The following TDRD9 variants were observed in gnomAD, a reference collection of about 807,000 sequenced individuals.
TDRD9 encodes ATP-dependent RNA helicase TDRD9.
TDRD9 carries 124 observed loss-of-function variants against 172.6 expected under a neutral mutation model. The ratio of observed to expected loss-of-function variants is 0.72; its 90% CI spans 0.62 to 0.83. The LOEUF is 0.83. TDRD9 is among the 40% of genes least tolerant of loss of function. The pLI is 0.00. For synonymous variants in TDRD9, 619 were observed against 617.1 expected, an observed-to-expected ratio of 1.00 and a Z score of -0.05; for missense variants, 1,479 against 1,714.1, an observed-to-expected ratio of 0.86 and a Z score of 2.42.
chr14:103,978,165 T>C (rs1427444750), intron 7 of TDRD9, among the ~76,000 whole-genome samples: 1 of 152,212 alleles, frequency 6.6e-6, no homozygotes. Context: ...TCTTTTTTGG[T>C]TCCATATGAA....
At chr14:104,031,015 G>A (rs911911605) in intron 28 of TDRD9, 93 bp from the exon 29 acceptor site, 2 of 1,145,888 alleles carry the variant, frequency 1.7e-6, no homozygotes, top group Non-Finnish European at 2.5e-6. Flanking sequence ...AGAAATCAGA[G>A]TAACACTGTG....
intron 1 of TDRD9, among the ~76,000 whole-genome samples, chr14:103,939,436 G>C (rs1267708985): frequency 6.6e-6 from 1 of 152,152 alleles, no homozygotes; most frequent in East Asian, 1.9e-4. Context: ...CCCACACACA[G>C]TTTCCACTCT....
At chr14:103,962,215 A>G (rs541549115) in intron 2 of TDRD9, among the ~76,000 whole-genome samples, 4 of 152,294 alleles carry the variant, frequency 2.6e-5, no homozygotes, top group Non-Finnish European at 5.9e-5. Context: ...TATTTCATAA[A>G]TTGTTTGATT....
Position 103,998,630 on chromosome 14 carries a change from A to G in TDRD9, c.1385A>G (p.Asp462Gly). The change falls in exon 13 of 36, where the codon GAT becomes GGT. Residue 462 changes from aspartate (D) to glycine (G), a missense_variant. Transcript: ENST00000409874. ...CCTTTTTTTTAAATGGCAGTTATAG[A>G]TTTTTGTTTGACTAGAACTTTGGTC... is the stretch of plus-strand genomic sequence containing the variant. ...VTVPDVKYVI[D>G]FCLTRTLVCD... is the part of the protein sequence containing the mutation. The G allele has an allele frequency of 6.3e-7, 1 of 1,588,520 alleles. No homozygotes were observed. The highest frequency in any genetic ancestry group is 1.1e-5 in the South Asian group (1 of 90,066).
In TDRD9 at chr14:104,052,037, C is replaced by A; in HGVS notation, c.4104C>A (p.Asn1368Lys). The change falls in exon 36 of 36, where the codon AAC (asparagine) becomes AAA (lysine). Residue 1368 changes from asparagine to lysine, a missense_variant. Asn to Lys is a moderately conservative substitution (Grantham distance 94). This residue lies in a region of TDRD9 where 1,413 missense variants were observed against 1,649.1 expected (regional missense o/e 0.86). Transcript: ENST00000409874. ...ACCGTGAGAGCAGCAGAGGGAAGAA[C>A]ACCTTTCTCTACCAGCTCCACAAAC... ...QADRESSRGK[N>K]TFLYQLHKLV... The A allele has an allele frequency of 1.3e-6, 2 of 1,593,802 alleles. No homozygotes were observed. Among genetic ancestry groups the A allele is most frequent in the Non-Finnish European group, 1.7e-6 (2 of 1,169,842 alleles).
chr14:104,034,183 CTTTTTTTTTCT>C lies in TDRD9; in HGVS notation c.3619+124_3619+134del, dbSNP rs2035374341. On this transcript the variant is annotated intron_variant, in intron 31 of 35. Coordinates refer to ENST00000409874, the MANE Select transcript of TDRD9 (RefSeq NM_153046.3). ...GAACAAGTCTACACTATGTACTATTCTTTTTTTTTCTTTTTTTTTTTTTTTGAGACAGAGTC... is the reference window on the plus strand; with the variant it reads ...GAACAAGTCTACACTATGTACTATTCTTTTTTTTTTTTTTGAGACAGAGTC... 35 of 217,982 alleles carry C rather than the reference CTTTTTTTTTCT, an allele frequency of 1.6e-4. 1 individual carries two copies. The highest frequency in any genetic ancestry group is 3.6e-3 in the Middle Eastern group (2 of 562). The allele number at this position is 217,982 out of a possible 1,614,324, so 13.5% of individuals were successfully genotyped here. A position where few individuals can be genotyped will look rare whatever the true frequency, so the allele number is the denominator to read the frequency against.
rs150899777 is a variant in TDRD9, at chr14:103,943,443, A to G, written c.216-12221A>G. On this transcript the variant is annotated intron_variant, in intron 1 of 35. Coordinates refer to ENST00000409874, the MANE Select transcript of TDRD9 (RefSeq NM_153046.3). ...CATAAGTATATATACGCATATGTATATGTATTATATATGTATATATAAATA... is the reference window on the plus strand; with the variant it reads ...CATAAGTATATATACGCATATGTATGTGTATTATATATGTATATATAAATA... 2.7e-3 allele frequency among the ~76,000 whole-genome samples: 403 copies of G among 150,484 alleles called. 8 individuals carry two copies. The highest frequency in any genetic ancestry group is 7.0e-4 in the African/African-American group (29 of 41,196).
chr14:103,943,485 A>C (rs2031379714), intron 1 of TDRD9, among the ~76,000 whole-genome samples: 2 of 150,576 alleles, frequency 1.3e-5, no homozygotes, highest in African/African-American at 4.9e-5. Context: ...CATATATAAT[A>C]CACACATATA....
intron 23 of TDRD9, among the ~76,000 whole-genome samples, chr14:104,020,615 C>A (rs893560693): frequency 6.6e-6 from 1 of 152,064 alleles, no homozygotes; most frequent in Non-Finnish European, 1.5e-5. Context: ...GAGGATGGGG[C>A]GTGAAGGAGA....
intron 7 of TDRD9, 71 bp downstream of exon 7, chr14:103,975,624 C>A: frequency 1.4e-6 from 2 of 1,431,954 alleles, no homozygotes; most frequent in South Asian, 1.4e-5. Context: ...CATTCATCAC[C>A]TATGATTGTA....
At position 103,998,816 on chromosome 14, in the gene TDRD9, G is replaced by T. The variant is rs570697972; in HGVS notation, c.1483+88G>T. On this transcript the variant is annotated intron_variant, in intron 13 of 35. Coordinates refer to ENST00000409874, the MANE Select transcript of TDRD9 (RefSeq NM_153046.3). ...CTTTTTTTTTTTTTTTCTCTGAGACGGAGTCTTGCTCTGTCGCCCAGGCTG... is the reference window on the plus strand; with the variant it reads ...CTTTTTTTTTTTTTTTCTCTGAGACTGAGTCTTGCTCTGTCGCCCAGGCTG... The T allele has an allele frequency of 4.5e-5, 32 of 704,022 alleles. No individual in the cohort carries two copies. In the East Asian group the frequency reaches 8.3e-4, roughly 18 times the overall value. 43.6% of individuals were successfully genotyped at this position (704,022 alleles called of 1,614,324 possible). A position where few individuals can be genotyped will look rare whatever the true frequency, so the allele number is the denominator to read the frequency against.
intron 34 of TDRD9, among the ~76,000 whole-genome samples, chr14:104,048,807 T>TC (rs1432561885): frequency 6.6e-6 from 1 of 152,200 alleles, no homozygotes; most frequent in Non-Finnish European, 1.5e-5. Context: ...CTATGGGCTT[T>TC]CCCCATCTGT....
At chr14:103,937,920 T>C (rs2030881757) in intron 1 of TDRD9, among the ~76,000 whole-genome samples, 1 of 151,964 alleles carries the variant, frequency 6.6e-6, no homozygotes, top group Non-Finnish European at 1.5e-5. Context: ...TGATTTTAAG[T>C]TGCCTGTGAG....
At chr14:103,995,715 T>G in intron 11 of TDRD9, 35 bp from the exon 12 acceptor site, 1 of 1,558,636 alleles carries the variant, frequency 6.4e-7, no homozygotes, top group Non-Finnish European at 8.7e-7. Flanking sequence ...CGGAATATAG[T>G]AGGAATGTCA....
rs1343254423 is a variant in TDRD9 at position 103,938,222 on chromosome 14, C to G, written c.215+9498C>G. Among the ~76,000 whole-genome samples, 3 of 151,594 alleles carry G rather than the reference C, an allele frequency of 2.0e-5. No individual in the cohort carries two copies. In the East Asian group the frequency reaches 5.8e-4, roughly 29 times the overall value. ...CTGGCTAGTAATGCTACCTCGAGAGCCTATTATATGTCGGGGATTGTGCAG... is the reference window on the plus strand; with the variant it reads ...CTGGCTAGTAATGCTACCTCGAGAGGCTATTATATGTCGGGGATTGTGCAG... On this transcript the variant is annotated intron_variant, in intron 1 of 35. Coordinates refer to ENST00000409874, the MANE Select transcript of TDRD9 (RefSeq NM_153046.3).
intron 1 of TDRD9, among the ~76,000 whole-genome samples, chr14:103,943,498 C>A (rs1373540083): frequency 6.7e-6 from 1 of 149,204 alleles, no homozygotes; most frequent in Non-Finnish European, 1.5e-5. Context: ...CACATATATA[C>A]ACACACACAT....
intron 11 of TDRD9, 56 bp downstream of exon 11, chr14:103,994,659 C>T: frequency 7.0e-7 from 1 of 1,430,544 alleles, no homozygotes; most frequent in Non-Finnish European, 9.7e-7. Context: ...TCCTTAGAGA[C>T]TCTACTCATG....
intron 1 of TDRD9, among the ~76,000 whole-genome samples, chr14:103,945,243 T>G (rs939676450): frequency 1.3e-5 from 2 of 152,222 alleles, no homozygotes; most frequent in Non-Finnish European, 1.5e-5. Context: ...CAATCTTCCT[T>G]CTCCACTTAC....
chr14:104,034,110 T>C, intron 31 of TDRD9, 41 bp downstream of exon 31: 3 of 1,345,138 alleles, frequency 2.2e-6, no homozygotes, highest in Non-Finnish European at 3.1e-6. Flanking sequence ...CTCTCTTTTT[T>C]CTTTTCCTTG....
Sources: allele counts gnomAD v4.1 joint callset (sites outside exome capture counted in the v4.1 genomes callset), GRCh38; gene constraint gnomAD v4.1.1; regional missense constraint gnomAD v4.1.1; transcripts MANE v1.5; gene names NCBI Gene and HGNC (gene_info 2026-07-23, HGNC 2026-07-21).